HEATR1: variants seen among roughly 807,000 people sequenced by gnomAD.
The protein encoded by HEATR1 is HEAT repeat containing 1, also known as HEAT repeat-containing protein 1.
A neutral mutation model predicts 248.2 loss-of-function variants in HEATR1; 77 were observed. The observed-to-expected ratio is 0.31, with a 90% confidence interval of 0.26 to 0.37. The LOEUF (loss-of-function observed/expected upper bound fraction) is 0.37, where lower values mean the gene tolerates loss of function less well. Among genes scored for constraint, HEATR1 ranks in the 10% least tolerant of loss-of-function variants. The probability of loss-of-function intolerance (pLI) is 1.00; values close to 1 mark genes in which losing one functional copy is unlikely to be tolerated. For synonymous variants in HEATR1, 897 were observed against 923.1 expected (o/e 0.97, Z 0.51); for missense variants, 2,420 against 2,504.9 (o/e 0.97, Z 0.72).
At chr1:236,583,335 T>A (rs1663803951) in intron 17 of HEATR1, 139 bp from the exon 18 acceptor site, 1 of 656,082 alleles carries the variant, frequency 1.5e-6, no homozygotes, top group Non-Finnish European at 2.5e-6. Context: ...ACTGCTTTGG[T>A]CGGATTTTTA....
chr1:236,595,387 CCA>C (rs894288946), intron 8 of HEATR1, among the ~76,000 whole-genome samples, 151 bp downstream of exon 8: 49 of 152,240 alleles, frequency 3.2e-4, no homozygotes, highest in African/African-American at 1.2e-3. Flanking sequence ...GCTCCCCACC[CCA>C]GATGTTTCTC....
chr1:236,553,710 T>C lies in HEATR1; in HGVS notation c.6108A>G (p.Lys2036=). 6.2e-7 allele frequency: 1 copy of C among 1,613,374 alleles called. No homozygotes were observed. Among genetic ancestry groups the C allele is most frequent in the Non-Finnish European group, 8.5e-7 (1 of 1,179,610 alleles). ...GGTGCTTTGTCACCCGTTCCTGGAA[T>C]TTCTCTTCTCCCCCAAGCCTGTTTT... The part of the protein sequence containing the change: ...QLENRLGGEE[K]FQERVTKHLI... Residue 2036 remains lysine, a synonymous_variant, in exon 43 of 45, where the codon AAA becomes AAG. Transcript: ENST00000366582.
chr1:236,587,327 AG>A, intron 14 of HEATR1, 74 bp downstream of exon 14: 1 of 653,136 alleles, frequency 1.5e-6, no homozygotes, highest in East Asian at 3.2e-5. Flanking sequence ...AAAAAAAAAA[AG>A]AAGAAGAAAT....
chr1:236,555,833 G>A lies in HEATR1; in HGVS notation c.5621C>T (p.Ala1874Val), dbSNP rs1558176920. 5 of 1,613,910 alleles carry A rather than the reference G, an allele frequency of 3.1e-6. No homozygotes were observed. In the South Asian group the frequency reaches 4.4e-5, roughly 14 times the overall value. Residue 1874 changes from alanine (A) to valine (V), a missense_variant, in exon 39 of 45, where the codon GCC becomes GTC. Coordinates refer to ENST00000366582, the MANE Select transcript of HEATR1 (RefSeq NM_018072.6). The stretch of plus-strand genomic sequence containing the variant: ...AGAGTGCTGGGCTCGGAAGTCCAGG[G>A]CTTCCAGGAAAAAGGCGGTTAGCTG... ...QSQLTAFFLE[A>V]LDFRAQHSEN...
In HEATR1 at chr1:236,576,797, C is replaced by T. The variant is rs1401650215; in HGVS notation, c.2908G>A (p.Ala970Thr). The T allele has an allele frequency of 1.2e-6, 2 of 1,612,584 alleles. No individual in the cohort carries two copies. Among genetic ancestry groups the T allele is most frequent in the Non-Finnish European group, 1.7e-6 (2 of 1,179,504 alleles). Reference sequence around the variant, plus strand: ...GAGCTTACCTGAATAACATAGGCAGCATCTGAAGTGATCTCCTCTGCTTTA... The same window carrying T: ...GAGCTTACCTGAATAACATAGGCAGTATCTGAAGTGATCTCCTCTGCTTTA... ...ISKAEEITSD[A>T]AYVIQDLATL... Residue 970 changes from alanine (A) to threonine (T), a missense_variant, in exon 21 of 45, where the codon GCT (alanine) becomes ACT (threonine). Physicochemically the swap from Ala to Thr is moderately conservative, Grantham distance 58. Coordinates refer to ENST00000366582, the MANE Select transcript of HEATR1 (RefSeq NM_018072.6).
intron 4 of HEATR1, 88 bp downstream of exon 4, chr1:236,599,395 C>T: frequency 9.2e-7 from 1 of 1,086,362 alleles, no homozygotes; most frequent in Non-Finnish European, 1.3e-6. Flanking sequence ...CTGGACTATC[C>T]CCAGGAGCAA....
At chr1:236,559,205 C>T (rs1435392125) in intron 34 of HEATR1, 70 bp from the exon 35 acceptor site, 1 of 1,290,564 alleles carries the variant, frequency 7.7e-7, no homozygotes, top group Non-Finnish European at 1.0e-6. Context: ...TCAATTAAGA[C>T]AGACTGCTGT....
At chr1:236,581,535 G>T (rs1663739772) in intron 19 of HEATR1, 121 bp from the exon 20 acceptor site, 2 of 655,440 alleles carry the variant, frequency 3.1e-6, no homozygotes, top group Non-Finnish European at 4.8e-6. Context: ...GTTTTGCTTT[G>T]TCTAATCATT....
At chr1:236,566,911 CA>C (rs766587213) in intron 29 of HEATR1, 35 bp from the exon 30 acceptor site, 17 of 1,401,178 alleles carry the variant, frequency 1.2e-5, no homozygotes, top group Non-Finnish European at 1.7e-5. Context: ...TGAGTAGGTG[CA>C]AGTAATCTTC....
chr1:236,571,089 C>A (rs975815180), intron 28 of HEATR1, among the ~76,000 whole-genome samples: 4 of 152,138 alleles, frequency 2.6e-5, no homozygotes, highest in Admixed American at 6.5e-5. Flanking sequence ...TAAGTACTAA[C>A]CACAAATTAT....
At chr1:236,561,020 G>C (rs1558179231) in intron 33 of HEATR1, among the ~76,000 whole-genome samples, 1 of 152,160 alleles carries the variant, frequency 6.6e-6, no homozygotes, top group Non-Finnish European at 1.5e-5. Context: ...TATTCTTAGA[G>C]ACATAATGTA....
intron 44 of HEATR1, chr1:236,551,787 G>A (rs1215482483): frequency 9.5e-6 from 5 of 524,064 alleles, no homozygotes; most frequent in African/African-American, 5.8e-5. Context: ...CAAATGATCA[G>A]GAGGTGGTCA....
chr1:236,597,136 A>G (rs1024084046), intron 5 of HEATR1, among the ~76,000 whole-genome samples, 160 bp from the exon 6 acceptor site: 10 of 152,074 alleles, frequency 6.6e-5, no homozygotes, highest in African/African-American at 2.2e-4. Context: ...AAAAAAAAAA[A>G]AAGTGAAAGG....
At chr1:236,562,137 A>T (rs950098084) in intron 32 of HEATR1, among the ~76,000 whole-genome samples, 1 of 152,100 alleles carries the variant, frequency 6.6e-6, no homozygotes, top group Non-Finnish European at 1.5e-5. Context: ...ATTTAATCAC[A>T]TTTCCTGCTT....
In HEATR1 at chr1:236,603,542, T is replaced by C. The variant is rs6671450; in HGVS notation, c.143-166A>G. Among the ~76,000 whole-genome samples the C allele has an allele frequency of 5.5e-3, 840 of 152,052 alleles. 9 individuals are homozygous for C. Among genetic ancestry groups the C allele is most frequent in the African/African-American group, 0.019 (784 of 41,484 alleles). ...GATTTCTAGTTTTCAACTTTTAGAG[T>C]AAATCCTATCTCATCTACTAGAACA... On this transcript the variant is annotated intron_variant, in intron 2 of 44. Transcript: ENST00000366582.
rs79473707 is a variant in HEATR1, at chr1:236,578,203, C to T, written c.2756-1254G>A. On this transcript the variant is annotated intron_variant, in intron 20 of 44. Transcript: ENST00000366582. ...TAAATCTTTAGTTCACATGAAATTTCTATCTAAGGAATGAGGTTGGAGTCA... is the reference window on the plus strand; with the variant it reads ...TAAATCTTTAGTTCACATGAAATTTTTATCTAAGGAATGAGGTTGGAGTCA... Among the ~76,000 whole-genome samples, 469 of 152,312 alleles carry T rather than the reference C, an allele frequency of 3.1e-3. 2 individuals are homozygous for T. The highest frequency in any genetic ancestry group is 0.01 in the African/African-American group (436 of 41,560).
chr1:236,578,276 T>C (rs1445843660), intron 20 of HEATR1, among the ~76,000 whole-genome samples: 1 of 152,208 alleles, frequency 6.6e-6, no homozygotes, highest in Non-Finnish European at 1.5e-5. Flanking sequence ...CATTTAACAA[T>C]CCACATAACC....
rs571031384 is a variant in HEATR1, at chr1:236,599,774, TAA to T, written c.360-152_360-151del. On this transcript the variant is annotated intron_variant, in intron 3 of 44. Transcript: ENST00000366582. ...ACAAAATTATAAGATACAGAGCATTTAAAAAGTCCCCAATTTTGCATTCACAT... is the reference window on the plus strand; with the variant it reads ...ACAAAATTATAAGATACAGAGCATTTAAAGTCCCCAATTTTGCATTCACAT... 3.2e-3 allele frequency: 2,116 copies of T among 667,688 alleles called. 12 individuals are homozygous for T. The highest frequency in any genetic ancestry group is 0.014 in the Middle Eastern group (46 of 3,342). The allele number at this position is 667,688 out of a possible 1,614,324, so 41.4% of individuals were successfully genotyped here.
At chr1:236,559,235 A>G in intron 34 of HEATR1, 100 bp from the exon 35 acceptor site, 2 of 819,496 alleles carry the variant, frequency 2.4e-6, no homozygotes, top group Non-Finnish European at 3.5e-6. Context: ...ACCTCCAGGC[A>G]CCAGGCACTT....
Sources: allele counts gnomAD v4.1 joint callset (sites outside exome capture counted in the v4.1 genomes callset), GRCh38; gene constraint gnomAD v4.1.1; transcripts MANE v1.5; gene names NCBI Gene and HGNC (gene_info 2026-07-23, HGNC 2026-07-21).